The following PRDX5 variants were observed in gnomAD, a reference collection of about 807,000 sequenced individuals.
The protein encoded by PRDX5 is peroxiredoxin-5, mitochondrial.
Under a neutral mutation model 23.8 loss-of-function variants are expected in PRDX5, and 21 were observed. The observed-to-expected ratio is 0.88, with a 90% CI of 0.63 to 1.27. PRDX5 has a LOEUF of 1.27. Among genes scored for constraint, PRDX5 ranks in the 50% most tolerant of loss-of-function variants. The probability of loss-of-function intolerance (pLI) is 0.00; values close to 1 mark genes in which losing one functional copy is unlikely to be tolerated. For missense variants in PRDX5, 261 were observed against 270.6 expected, an observed-to-expected ratio of 0.96 and a Z score of 0.25; for synonymous variants, 111 against 113.3, an observed-to-expected ratio of 0.98 and a Z score of 0.13.
At position 64,321,524 on chromosome 11, in the gene PRDX5, G is replaced by A. The variant is rs1196210972; in HGVS notation, c.540-62G>A. 18 of 1,582,996 alleles carry A rather than the reference G, an allele frequency of 1.1e-5. No homozygotes were observed. In the Admixed American group the frequency reaches 1.4e-4, roughly 12 times the overall value. ...TTGGGCCCCTGGCTGTTCACTGCCT[G>A]TCTCCATGCCCAGCCTCCAAGCCCA... On this transcript the variant is annotated intron_variant, in intron 5 of 5. Transcript: ENST00000265462.
In PRDX5 at chr11:64,318,156, G is replaced by T; in HGVS notation, c.-60G>T. The T allele has an allele frequency of 1.2e-6, 2 of 1,601,658 alleles. No individual in the cohort carries two copies. Among genetic ancestry groups the T allele is most frequent in the East Asian group, 2.2e-5 (1 of 44,448 alleles). On this transcript the variant is annotated 5_prime_UTR_variant, in exon 1 of 6. Coordinates refer to ENST00000265462, the MANE Select transcript of PRDX5 (RefSeq NM_012094.5). ...GTGTCGCCGCTGTGCCGCTAGCGGT[G>T]CCCCGCCTGCTGCGGTGGCACCAGC... is the stretch of plus-strand genomic sequence containing the variant.
In PRDX5 at chr11:64,321,571, C is replaced by T. The variant is rs770253566; in HGVS notation, c.540-15C>T. 1.9e-6 allele frequency: 3 copies of T among 1,610,946 alleles called. No homozygotes were observed. In the East Asian group the frequency reaches 6.7e-5, roughly 36 times the overall value. ...CCCAGGCTGATGCAGCTGGCTGGGC[C>T]CCTCTTTCCGGCAGGTTCTCCATGG... On this transcript the variant is annotated splice_polypyrimidine_tract_variant and intron_variant, in intron 5 of 5. Transcript: ENST00000265462.
chr11:64,318,259 A>G lies in PRDX5; in HGVS notation c.44A>G (p.Tyr15Cys), dbSNP rs372637504. The change falls in exon 1 of 6, where the codon TAT (tyrosine) becomes TGT (cysteine). Residue 15 changes from tyrosine to cysteine, a missense_variant. Transcript: ENST00000265462. ...TGCGCCCTGAGACGCTCAGCGGGCT[A>G]TATACTCGTCGGTGGGGCCGGCGGT... ...GVCALRRSAG[Y>C]ILVGGAGGQS... 4.9e-5 allele frequency: 79 copies of G among 1,612,298 alleles called. No individual in the cohort carries two copies. In the East Asian group the frequency reaches 1.1e-3, roughly 23 times the overall value.
In PRDX5 at chr11:64,319,821, G is replaced by A. The variant is rs748159590; in HGVS notation, c.259G>A (p.Gly87Ser). The A allele has an allele frequency of 3.1e-6, 5 of 1,614,062 alleles. No individual in the cohort carries two copies. Among genetic ancestry groups the A allele is most frequent in the South Asian group, 1.1e-5 (1 of 91,086 alleles). ...GGCAGAGCTGTTCAAGGGCAAGAAG[G>A]GTGTGCTGTTTGGAGTTCCTGGGGC... ...NLAELFKGKK[G>S]VLFGVPGAFT... is the part of the protein sequence containing the mutation. The change falls in exon 2 of 6, where the codon GGT becomes AGT. Residue 87 changes from glycine (G) to serine (S), a missense_variant. Transcript: ENST00000265462.
In PRDX5 at chr11:64,320,923, C is replaced by G; in HGVS notation, c.477+20C>G. On this transcript the variant is annotated intron_variant, in intron 4 of 5. Coordinates refer to ENST00000265462, the MANE Select transcript of PRDX5 (RefSeq NM_012094.5). ...GGGAAGGTGAGTGTTCCCCTGACCG[C>G]CACAGGGACATGGCAGTGCGGGGAG... 1.9e-6 allele frequency: 3 copies of G among 1,614,206 alleles called. No homozygotes were observed. Among genetic ancestry groups the G allele is most frequent in the Middle Eastern group, 1.6e-4 (1 of 6,062 alleles).
intron 5 of PRDX5, 76 bp downstream of exon 5, chr11:64,321,144 G>A: frequency 1.3e-6 from 2 of 1,485,386 alleles, no homozygotes; most frequent in Non-Finnish European, 1.9e-6. Flanking sequence ...CCTCTGTGGA[G>A]AGGGTCCTCT....
chr11:64,318,730 A>G (rs2135274714), intron 1 of PRDX5, among the ~76,000 whole-genome samples: 1 of 151,976 alleles, frequency 6.6e-6, no homozygotes, highest in East Asian at 1.9e-4. Context: ...CCTCCTGAGT[A>G]GCTGGGACTA....
chr11:64,321,424 GGA>G (rs967302437), intron 5 of PRDX5, among the ~76,000 whole-genome samples, 160 bp from the exon 6 acceptor site: 1 of 151,168 alleles, frequency 6.6e-6, no homozygotes, highest in African/African-American at 2.4e-5. Context: ...TCCTCTGTGT[GGA>G]GAGAGTCCTG....
rs759109432 is a variant in PRDX5, at chr11:64,318,401, G to A, written c.171+15G>A. ...CCCCAATCAAGGTGACCGCTGGCCC[G>A]GCCGGGCCTGACATCCCCCACTACC... is the stretch of plus-strand genomic sequence containing the variant. On this transcript the variant is annotated intron_variant, in intron 1 of 5. Coordinates refer to ENST00000265462, the MANE Select transcript of PRDX5 (RefSeq NM_012094.5). 1 of 1,594,724 alleles carries A rather than the reference G, an allele frequency of 6.3e-7. No homozygotes were observed. The highest frequency in any genetic ancestry group is 8.5e-7 in the Non-Finnish European group (1 of 1,172,432).
At chr11:64,320,284 G>GAAAAAAAAA (rs111316782) in intron 2 of PRDX5, among the ~76,000 whole-genome samples, 2 of 104,024 alleles carry the variant, frequency 1.9e-5, no homozygotes, top group African/African-American at 3.6e-5. Flanking sequence ...GTCTCAAAAT[G>GAAAAAAAAA]AAAAAAAAAA....
rs1266486302 is a variant in PRDX5 at position 64,320,684 on chromosome 11, G to A, written c.330G>A (p.Glu110=). Residue 110 remains glutamate (E), a synonymous_variant, in exon 3 of 6, where the codon GAG becomes GAA. Transcript: ENST00000265462. ...CSKTHLPGFV[E]QAEALKAKGV... Reference sequence around the variant, plus strand: ...AGACACACCTGCCAGGGTTTGTGGAGCAGGCTGAGGCTCTGAAGGCCAAGG... The same window carrying A: ...AGACACACCTGCCAGGGTTTGTGGAACAGGCTGAGGCTCTGAAGGCCAAGG... The A allele has an allele frequency of 3.1e-6, 5 of 1,605,722 alleles. No individual in the cohort carries two copies. The South Asian group carries it at 5.5e-5, about 18-fold the overall frequency.
In PRDX5 at chr11:64,321,059, G is replaced by A. The variant is rs770198138; in HGVS notation, c.530G>A (p.Arg177His). ...CTGGTGTCCATCTTTGGGAATCGACGTCTCAAGAGGTAAAAGTGGAGAGTC... is the reference window on the plus strand; with the variant it reads ...CTGGTGTCCATCTTTGGGAATCGACATCTCAAGAGGTAAAAGTGGAGAGTC... ...DSLVSIFGNR[R>H]LKRFSMVVQD... The change falls in exon 5 of 6, where the codon CGT becomes CAT. Residue 177 changes from arginine (R) to histidine (H), a missense_variant. By Grantham distance (29) the Arg-to-His change is conservative. Transcript: ENST00000265462. 8.1e-6 allele frequency: 13 copies of A among 1,613,518 alleles called. No individual in the cohort carries two copies. Among genetic ancestry groups the A allele is most frequent in the Admixed American group, 3.3e-5 (2 of 60,012 alleles).
Position 64,318,491 on chromosome 11 carries a change from C to T in PRDX5, c.171+105C>T, listed in dbSNP as rs1019098716. Reference sequence around the variant, plus strand: ...TTTATTTCCTGCCTGCCAGACCCCTCCCCTCCGCCCGCCCGGCTCATCCCT... The same window carrying T: ...TTTATTTCCTGCCTGCCAGACCCCTTCCCTCCGCCCGCCCGGCTCATCCCT... On this transcript the variant is annotated intron_variant, in intron 1 of 5. Transcript: ENST00000265462. 84 of 1,401,404 alleles carry T rather than the reference C, an allele frequency of 6.0e-5. No homozygotes were observed. In the African/African-American group the frequency reaches 1.1e-3, roughly 18 times the overall value. The allele number at this position is 1,401,404 out of a possible 1,614,324, so 86.8% of individuals were successfully genotyped here. A position where few individuals can be genotyped will look rare whatever the true frequency, so the allele number is the denominator to read the frequency against.
chr11:64,321,582 G>T lies in PRDX5; in HGVS notation c.540-4G>T. On this transcript the variant is annotated splice_region_variant and splice_polypyrimidine_tract_variant and intron_variant, in intron 5 of 5. Transcript: ENST00000265462. ...GCAGCTGGCTGGGCCCCTCTTTCCG[G>T]CAGGTTCTCCATGGTGGTACAGGAT... The T allele has an allele frequency of 1.2e-6, 2 of 1,612,216 alleles. No homozygotes were observed. Among genetic ancestry groups the T allele is most frequent in the South Asian group, 1.1e-5 (1 of 91,010 alleles).
chr11:64,320,089 C>T (rs901022337), intron 2 of PRDX5, among the ~76,000 whole-genome samples: 55 of 152,084 alleles, frequency 3.6e-4, no homozygotes, highest in African/African-American at 1.3e-3. Flanking sequence ...ACCAGTCTGG[C>T]CAAGATGGTG....
At chr11:64,321,541 C>T (rs1189080265) in intron 5 of PRDX5, 45 bp from the exon 6 acceptor site, 9 of 1,598,002 alleles carry the variant, frequency 5.6e-6, no homozygotes, top group Non-Finnish European at 7.7e-6. Context: ...TGCCCAGCCT[C>T]CAAGCCCAGG....
At chr11:64,321,277 A>T (rs1591258956) in intron 5 of PRDX5, among the ~76,000 whole-genome samples, 1 of 110,486 alleles carries the variant, frequency 9.1e-6, no homozygotes, top group Non-Finnish European at 1.8e-5. Context: ...TGTGTGGGGG[A>T]GAGTCCTCTG....
chr11:64,321,713 CT>C lies in PRDX5; in HGVS notation c.*23del, dbSNP rs1479656057. The C allele has an allele frequency of 1.3e-6, 2 of 1,546,946 alleles. No homozygotes were observed. The highest frequency in any genetic ancestry group is 1.7e-6 in the Non-Finnish European group (2 of 1,144,288). The stretch of plus-strand genomic sequence containing the variant: ...CTGAGGCCCTGGGCCAGATTACTTC[CT>C]CCACCCCTCCCTATCTCACCTGCCC... On this transcript the variant is annotated 3_prime_UTR_variant, in exon 6 of 6. Transcript: ENST00000265462.
chr11:64,320,377 C>G (rs1176997620), intron 2 of PRDX5, among the ~76,000 whole-genome samples: 2 of 152,126 alleles, frequency 1.3e-5, no homozygotes, highest in Non-Finnish European at 2.9e-5. Flanking sequence ...ATCCAACACC[C>G]CTGTTGGTCC....
Sources: gnomAD v4.1 joint callset for allele counts (sites outside exome capture counted in the v4.1 genomes callset) on GRCh38, gnomAD v4.1.1 for gene constraint, MANE v1.5 for transcripts, NCBI Gene and HGNC (gene_info 2026-07-23, HGNC 2026-07-21) for gene names.